STIM1: variants seen among roughly 807,000 people sequenced by gnomAD.
The protein encoded by STIM1 is stromal interaction molecule 1.
STIM1 carries 25 observed loss-of-function variants against 74.7 expected under a neutral mutation model. The ratio of observed to expected loss-of-function variants is 0.33; its 90% CI spans 0.24 to 0.47. The LOEUF (loss-of-function observed/expected upper bound fraction) is 0.47, where lower values mean the gene tolerates loss of function less well. Ranked by LOEUF, STIM1 falls within the 20% of genes least tolerant of loss-of-function variation. The pLI is 1.00. For missense variants in STIM1, 728 were observed against 920.8 expected (o/e 0.79, Z 2.71); for synonymous variants, 328 against 348.8 (o/e 0.94, Z 0.66).
intron 2 of STIM1, among the ~76,000 whole-genome samples, chr11:3,991,461 G>A (rs1441883022): frequency 2.0e-5 from 3 of 151,768 alleles, no homozygotes; most frequent in Non-Finnish European, 2.9e-5. Flanking sequence ...GTGAATCACC[G>A]TGCCTGGCCT....
chr11:3,988,558 A>C (rs1449917700), intron 2 of STIM1, among the ~76,000 whole-genome samples: 2 of 152,170 alleles, frequency 1.3e-5, no homozygotes, highest in African/African-American at 2.4e-5. Context: ...CATGTTGATA[A>C]GCTGTTACAT....
chr11:4,031,888 T>G (rs1352559734), intron 3 of STIM1, among the ~76,000 whole-genome samples: 1 of 152,254 alleles, frequency 6.6e-6, no homozygotes, highest in Non-Finnish European at 1.5e-5. Flanking sequence ...AAGTCCAGTT[T>G]ATCAATTTGT....
At chr11:3,908,579 T>A (rs2092507256) in intron 1 of STIM1, among the ~76,000 whole-genome samples, 1 of 143,558 alleles carries the variant, frequency 7.0e-6, no homozygotes, top group Admixed American at 7.1e-5. Flanking sequence ...GCCACTGCAC[T>A]CCAGGCTGGG....
At chr11:4,044,524 A>C (rs1313443628) in intron 3 of STIM1, among the ~76,000 whole-genome samples, 1 of 152,180 alleles carries the variant, frequency 6.6e-6, no homozygotes, top group African/African-American at 2.4e-5. Context: ...TGAGATACAG[A>C]TGTTATAGAG....
intron 1 of STIM1, among the ~76,000 whole-genome samples, chr11:3,942,232 G>A (rs149676716): frequency 9.2e-5 from 14 of 152,246 alleles, no homozygotes; most frequent in African/African-American, 3.4e-4. Flanking sequence ...CTTCAACCTG[G>A]TCTGTCTACT....
intron 2 of STIM1, among the ~76,000 whole-genome samples, chr11:4,007,865 C>T (rs992794566): frequency 6.6e-6 from 1 of 152,134 alleles, no homozygotes; most frequent in Non-Finnish European, 1.5e-5. Flanking sequence ...GCCCACACCT[C>T]TTCAGAAGGA....
At chr11:3,953,113 C>T (rs1018835869) in intron 1 of STIM1, among the ~76,000 whole-genome samples, 2 of 152,160 alleles carry the variant, frequency 1.3e-5, no homozygotes, top group African/African-American at 2.4e-5. Context: ...GAGAGATAGC[C>T]AGAGACTTCT....
At chr11:3,930,296 A>G (rs1367353688) in intron 1 of STIM1, among the ~76,000 whole-genome samples, 1 of 152,232 alleles carries the variant, frequency 6.6e-6, no homozygotes, top group Non-Finnish European at 1.5e-5. Flanking sequence ...AAAACTCAGG[A>G]AGATTGACTT....
intron 1 of STIM1, among the ~76,000 whole-genome samples, chr11:3,925,571 T>G (rs1159482230): frequency 1.3e-5 from 2 of 152,256 alleles, no homozygotes; most frequent in African/African-American, 2.4e-5. Flanking sequence ...CTTTGGACTT[T>G]AAACACTACA....
At chr11:3,917,102 A>G (rs1388702110) in intron 1 of STIM1, among the ~76,000 whole-genome samples, 2 of 152,166 alleles carry the variant, frequency 1.3e-5, no homozygotes, top group Non-Finnish European at 2.9e-5. Context: ...GTTGAGTGAC[A>G]CACCCTTATG....
At chr11:3,968,139 A>G (rs73427559) in intron 2 of STIM1, among the ~76,000 whole-genome samples, 1 of 152,240 alleles carries the variant, frequency 6.6e-6, no homozygotes, top group Non-Finnish European at 1.5e-5. Context: ...AAATTGTTTT[A>G]GAAAGATCAT....
At chr11:4,087,495 A>G (rs1401117844) in intron 12 of STIM1, among the ~76,000 whole-genome samples, 1 of 152,186 alleles carries the variant, frequency 6.6e-6, no homozygotes, top group Non-Finnish European at 1.5e-5. Context: ...ATTTGTGGTT[A>G]GAACACTGGA....
chr11:4,059,069 A>G, intron 4 of STIM1: 1 of 815,550 alleles, frequency 1.2e-6, no homozygotes, highest in Non-Finnish European at 1.8e-6. Flanking sequence ...GTTGGTGGAT[A>G]TGGGGAGAGG....
chr11:4,013,374 G>A (rs1410393289), intron 2 of STIM1, among the ~76,000 whole-genome samples: 1 of 152,112 alleles, frequency 6.6e-6, no homozygotes, highest in Non-Finnish European at 1.5e-5. Context: ...TGGTTGGTAG[G>A]CTATTAATTA....
chr11:3,937,308 T>TAAA (rs2092945657), intron 1 of STIM1, among the ~76,000 whole-genome samples: 1 of 147,618 alleles, frequency 6.8e-6, no homozygotes, highest in Non-Finnish European at 1.5e-5. Context: ...ATAATAATAA[T>TAAA]AATAATAATA....
At chr11:4,051,430 C>T (rs944856418) in intron 3 of STIM1, among the ~76,000 whole-genome samples, 10 of 150,752 alleles carry the variant, frequency 6.6e-5, no homozygotes, top group Non-Finnish European at 1.3e-4. Flanking sequence ...GCAACCTCTG[C>T]TTCCCGAGTT....
chr11:4,089,659 G>T (rs2094512237), intron 12 of STIM1, among the ~76,000 whole-genome samples: 1 of 152,138 alleles, frequency 6.6e-6, no homozygotes. Flanking sequence ...TGGCCCATGG[G>T]GTGGCTACTT....
chr11:3,933,843 G>A (rs757674163), intron 1 of STIM1, among the ~76,000 whole-genome samples: 7 of 152,144 alleles, frequency 4.6e-5, no homozygotes, highest in East Asian at 1.9e-4. Flanking sequence ...TCAGGAAGAC[G>A]GAAGATGGGG....
chr11:4,018,480 A>C (rs1392157034), intron 2 of STIM1, among the ~76,000 whole-genome samples: 8 of 149,008 alleles, frequency 5.4e-5, no homozygotes, highest in African/African-American at 1.2e-4. Flanking sequence ...AAAAAAAAAA[A>C]AAAAAACAAA....
Sources: allele counts gnomAD v4.1 joint callset (sites outside exome capture counted in the v4.1 genomes callset), GRCh38; gene constraint gnomAD v4.1.1; transcripts MANE v1.5; gene names NCBI Gene and HGNC (gene_info 2026-07-23, HGNC 2026-07-21).